Variants in LPP observed in about 807,000 individuals in gnomAD.
LPP encodes LIM domain containing preferred translocation partner in lipoma, also known as lipoma-preferred partner.
In LPP, 38 loss-of-function variants were observed where a neutral mutation model predicts 60.4. The observed-to-expected ratio is 0.63, with a 90% CI of 0.49 to 0.83. The LOEUF (loss-of-function observed/expected upper bound fraction) is 0.83, where lower values mean the gene tolerates loss of function less well. Among genes scored for constraint, LPP ranks in the 40% least tolerant of loss-of-function variants. The pLI is 0.00. For missense variants in LPP, 902 were observed against 783.6 expected, an observed-to-expected ratio of 1.15 and a Z score of -1.80; for synonymous variants, 328 against 290.8, an observed-to-expected ratio of 1.13 and a Z score of -1.30.
At chr3:188,829,242 A>G (rs1756486109) in intron 9 of LPP, among the ~76,000 whole-genome samples, 1 of 152,168 alleles carries the variant, frequency 6.6e-6, no homozygotes, top group South Asian at 2.1e-4. Flanking sequence ...CTCGCCTATT[A>G]ATCACCATAC....
At chr3:188,788,472 A>T (rs1577558376) in intron 9 of LPP, among the ~76,000 whole-genome samples, 1 of 152,320 alleles carries the variant, frequency 6.6e-6, no homozygotes, top group East Asian at 1.9e-4. Context: ...CTTGTGCCTT[A>T]TCCTCCCCAT....
At chr3:188,216,430 C>T (rs1236200096) in intron 1 of LPP, among the ~76,000 whole-genome samples, 1 of 151,986 alleles carries the variant, frequency 6.6e-6, no homozygotes, top group African/African-American at 2.4e-5. Flanking sequence ...GCCACTACAC[C>T]CCACTAATTT....
intron 1 of LPP, among the ~76,000 whole-genome samples, chr3:188,198,389 T>G (rs899061576): frequency 1.3e-5 from 2 of 152,226 alleles, no homozygotes; most frequent in Non-Finnish European, 2.9e-5. Context: ...GGGCCTGGGC[T>G]TGATGCTGGG....
At chr3:188,488,459 T>C (rs1361977777) in intron 5 of LPP, among the ~76,000 whole-genome samples, 1 of 152,134 alleles carries the variant, frequency 6.6e-6, no homozygotes, top group South Asian at 2.1e-4. Context: ...GTGATGTTTG[T>C]AGTGACACTT....
chr3:188,592,735 T>C (rs1490246439), intron 6 of LPP, among the ~76,000 whole-genome samples: 1 of 151,718 alleles, frequency 6.6e-6, no homozygotes, highest in South Asian at 2.1e-4. Context: ...AGAGACAGGG[T>C]TTCACTATGT....
At chr3:188,425,969 T>G (rs1417098345) in intron 4 of LPP, among the ~76,000 whole-genome samples, 2 of 152,188 alleles carry the variant, frequency 1.3e-5, no homozygotes, top group African/African-American at 4.8e-5. Context: ...TGCTCTTATC[T>G]TAGTTATTTC....
intron 2 of LPP, among the ~76,000 whole-genome samples, chr3:188,334,508 CGCCTCCTG>C (rs146705556): frequency 0.11 from 15,797 of 149,286 alleles, 1,341 homozygotes; most frequent in East Asian, 0.3. Flanking sequence ...CTGCAAGCTC[CGCCTCCTG>C]GCCTCCTGGG....
intron 4 of LPP, among the ~76,000 whole-genome samples, chr3:188,468,741 T>G (rs895333853): frequency 3.3e-5 from 5 of 152,148 alleles, no homozygotes; most frequent in African/African-American, 1.2e-4. Context: ...AAGGAGATCC[T>G]TGAATGCCAA....
At chr3:188,320,413 G>T (rs1473715011) in intron 2 of LPP, among the ~76,000 whole-genome samples, 1 of 152,184 alleles carries the variant, frequency 6.6e-6, no homozygotes, top group Non-Finnish European at 1.5e-5. Flanking sequence ...CCCCTCAGTG[G>T]TGAGCTCAGT....
chr3:188,675,310 G>A (rs78975294), intron 7 of LPP, among the ~76,000 whole-genome samples: 1,960 of 152,264 alleles, frequency 0.013, 30 homozygotes, highest in African/African-American at 0.045. Context: ...CCTGAGGTAT[G>A]GCAAAATCTG....
intron 9 of LPP, among the ~76,000 whole-genome samples, chr3:188,810,652 CCA>C (rs1235087346): frequency 6.6e-6 from 1 of 152,068 alleles, no homozygotes; most frequent in East Asian, 1.9e-4. Context: ...TAGGTTGTAT[CCA>C]CAGTTTCAGT....
intron 2 of LPP, among the ~76,000 whole-genome samples, chr3:188,294,190 G>A (rs1747059531): frequency 2.0e-5 from 3 of 152,090 alleles, no homozygotes; most frequent in South Asian, 4.1e-4. Context: ...TGCCGGCAGG[G>A]TTGGGGTAGA....
chr3:188,564,714 AACCAAGCC>A (rs1831683700), intron 6 of LPP, among the ~76,000 whole-genome samples: 1 of 151,974 alleles, frequency 6.6e-6, no homozygotes, highest in South Asian at 2.1e-4. Context: ...GCAACTAGAC[AACCAAGCC>A]TCATGGAGAC....
At chr3:188,606,785 A>G (rs773715468) in intron 6 of LPP, among the ~76,000 whole-genome samples, 27 of 152,270 alleles carry the variant, frequency 1.8e-4, no homozygotes, top group Non-Finnish European at 2.2e-4. Context: ...AATGCCAGTC[A>G]TAAAAAAGTC....
chr3:188,260,369 G>C (rs1733150082), intron 2 of LPP, among the ~76,000 whole-genome samples: 1 of 152,046 alleles, frequency 6.6e-6, no homozygotes, highest in South Asian at 2.1e-4. Context: ...AATGAAACCT[G>C]TCCTATTTAA....
chr3:188,460,352 T>G lies in LPP; in HGVS notation c.194-24240T>G, dbSNP rs545109566. On this transcript the variant is annotated intron_variant, in intron 4 of 11. Transcript: ENST00000617246. Reference sequence around the variant, plus strand: ...TCCTATACAAAGAGATCAAGCAAGATAATCACGTATTCTCTGTGCTTTGGC... The same window carrying G: ...TCCTATACAAAGAGATCAAGCAAGAGAATCACGTATTCTCTGTGCTTTGGC... 4.6e-5 allele frequency among the ~76,000 whole-genome samples: 7 copies of G among 152,310 alleles called. No homozygotes were observed. In the South Asian group the frequency reaches 1.5e-3, roughly 32 times the overall value.
chr3:188,271,419 G>C (rs1737684719), intron 2 of LPP, among the ~76,000 whole-genome samples: 2 of 152,190 alleles, frequency 1.3e-5, no homozygotes, highest in Non-Finnish European at 2.9e-5. Context: ...AGCAGCAGAA[G>C]GCAGATTCCA....
At chr3:188,677,749 C>A (rs1215071542) in intron 7 of LPP, among the ~76,000 whole-genome samples, 1 of 152,094 alleles carries the variant, frequency 6.6e-6, no homozygotes, top group Non-Finnish European at 1.5e-5. Context: ...AATCACAATT[C>A]AGCCTAACAA....
chr3:188,423,341 A>G (rs938657800), intron 4 of LPP, among the ~76,000 whole-genome samples: 4 of 152,144 alleles, frequency 2.6e-5, no homozygotes, highest in African/African-American at 7.2e-5. Context: ...TATCCAGTCT[A>G]TCATTGTTGG....
Sources: gnomAD v4.1 joint callset for allele counts (sites outside exome capture counted in the v4.1 genomes callset) on GRCh38, gnomAD v4.1.1 for gene constraint, MANE v1.5 for transcripts, NCBI Gene and HGNC (gene_info 2026-07-23, HGNC 2026-07-21) for gene names.